Variants in DCN observed in about 807,000 individuals in gnomAD.
The protein encoded by DCN is decorin, also known as bone proteoglycan II.
DCN carries 17 observed loss-of-function variants against 36.5 expected under a neutral mutation model. The ratio of observed to expected loss-of-function variants is 0.47; its 90% CI spans 0.32 to 0.70. The LOEUF (loss-of-function observed/expected upper bound fraction) is 0.70. Among genes scored for constraint, DCN ranks in the 30% least tolerant of loss-of-function variants. The probability of loss-of-function intolerance (pLI) is 0.04; values close to 1 mark genes in which losing one functional copy is unlikely to be tolerated. For missense variants in DCN, 389 were observed against 430.1 expected, an observed-to-expected ratio of 0.90 and a Z score of 0.84; for synonymous variants, 163 against 161.4, an observed-to-expected ratio of 1.01 and a Z score of -0.07.
chr12:91,155,750 T>G (rs908096027), intron 5 of DCN, among the ~76,000 whole-genome samples: 2 of 152,124 alleles, frequency 1.3e-5, no homozygotes, highest in Non-Finnish European at 2.9e-5. Context: ...AATTGGAGAC[T>G]CAACATGAAA....
intron 2 of DCN, among the ~76,000 whole-genome samples, chr12:91,168,941 T>A (rs560551962): frequency 6.6e-6 from 1 of 152,306 alleles, no homozygotes; most frequent in South Asian, 2.1e-4. Flanking sequence ...TGGCATATAT[T>A]TCTCCTGGAA....
At chr12:91,164,248 G>C (rs919300848) in intron 3 of DCN, among the ~76,000 whole-genome samples, 4 of 151,672 alleles carry the variant, frequency 2.6e-5, no homozygotes, top group Non-Finnish European at 5.9e-5. Context: ...GATAGCATTG[G>C]GAGATATACC....
intron 1 of DCN, among the ~76,000 whole-genome samples, chr12:91,182,032 C>T (rs1868425323): frequency 6.6e-6 from 1 of 152,080 alleles, no homozygotes; most frequent in South Asian, 2.1e-4. Context: ...TAAAATTTCA[C>T]TTGCAGTGAA....
rs1400020658 is a variant in DCN, at chr12:91,145,683, T to A, written c.*375A>T. The stretch of plus-strand genomic sequence containing the variant: ...GTTTGGCATTTGACTTTATCTCAAA[T>A]GAGCTAACTGCTCAATGAATTACAG... On this transcript the variant is annotated 3_prime_UTR_variant, in exon 8 of 8. Transcript: ENST00000052754. The A allele has an allele frequency of 2.8e-6, 1 of 358,168 alleles. No homozygotes were observed. The highest frequency in any genetic ancestry group is 2.3e-5 in the South Asian group (1 of 42,902). 22.2% of individuals were successfully genotyped at this position (358,168 alleles called of 1,614,324 possible). A position where few individuals can be genotyped will look rare whatever the true frequency, so the allele number is the denominator to read the frequency against.
chr12:91,143,738 C>T lies in DCN; in HGVS notation c.*2320G>A, dbSNP rs1298683823. ...CCTTAGTCATGCAAATAGTAAGTGT[C>T]GAAGCCAAAGAAATCAGCTATATTT... On this transcript the variant is annotated 3_prime_UTR_variant, in exon 8 of 8. Transcript: ENST00000052754. 6.7e-6 allele frequency: 1 copy of T among 149,828 alleles called. No homozygotes were observed. Among genetic ancestry groups the T allele is most frequent in the Non-Finnish European group, 1.5e-5 (1 of 67,676 alleles). 9.3% of individuals were successfully genotyped at this position (149,828 alleles called of 1,614,324 possible).
chr12:91,176,985 C>A (rs1423701740), intron 2 of DCN: 1 of 152,292 alleles, frequency 6.6e-6, no homozygotes, highest in African/African-American at 2.4e-5. Flanking sequence ...GTGGCAAATA[C>A]ACAATTCAAA....
chr12:91,177,667 T>C lies in DCN; in HGVS notation c.211+675A>G, dbSNP rs373547221. 1.1e-5 allele frequency: 8 copies of C among 700,890 alleles called. No individual in the cohort carries two copies. In the African/African-American group the frequency reaches 1.4e-4, roughly 12 times the overall value. The allele number at this position is 700,890 out of a possible 1,614,324, so 43.4% of individuals were successfully genotyped here. ...TCAAACTGTCTTTAGGGTGTTAGGC[T>C]AAAGATATATGTAACACAATTATAT... On this transcript the variant is annotated intron_variant, in intron 2 of 7. Coordinates refer to ENST00000052754, the MANE Select transcript of DCN (RefSeq NM_001920.5).
At chr12:91,157,686 T>C (rs1356934891) in intron 4 of DCN, among the ~76,000 whole-genome samples, 4 of 152,160 alleles carry the variant, frequency 2.6e-5, no homozygotes, top group Non-Finnish European at 4.4e-5. Flanking sequence ...TGGAGTGCAG[T>C]GGGGCCATCT....
At chr12:91,159,248 A>G (rs1882006550) in intron 3 of DCN, among the ~76,000 whole-genome samples, 1 of 152,172 alleles carries the variant, frequency 6.6e-6, no homozygotes, top group African/African-American at 2.4e-5. Context: ...GGATTCCGCT[A>G]CAAAAGGATG....
intron 2 of DCN, among the ~76,000 whole-genome samples, chr12:91,178,099 T>A (rs971713215): frequency 6.6e-6 from 1 of 152,084 alleles, no homozygotes; most frequent in Non-Finnish European, 1.5e-5. Flanking sequence ...TAAAAATGAT[T>A]TGTCCAAGAT....
Position 91,165,307 on chromosome 12 carries a change from A to T in DCN, c.212-590T>A, listed in dbSNP as rs577068458. Among the ~76,000 whole-genome samples the T allele has an allele frequency of 9.2e-5, 14 of 152,308 alleles. No individual in the cohort carries two copies. The East Asian group carries it at 2.5e-3, about 27-fold the overall frequency. ...GCCAAAACAATATCCATTTCAGTTG[A>T]TATTTTATGACCAATAGATATATGG... is the stretch of plus-strand genomic sequence containing the variant. On this transcript the variant is annotated intron_variant, in intron 2 of 7. Transcript: ENST00000052754.
Position 91,144,577 on chromosome 12 carries a change from G to T in DCN, c.*1481C>A, listed in dbSNP as rs762234090. ...CTTTCCCTAATGTTAATATTACCTC[G>T]GGATATGTCAAATGTAAATGAAAAT... On this transcript the variant is annotated 3_prime_UTR_variant, in exon 8 of 8. Transcript: ENST00000052754. 6.6e-6 allele frequency: 1 copy of T among 152,104 alleles called. No individual in the cohort carries two copies. Among genetic ancestry groups the T allele is most frequent in the African/African-American group, 2.4e-5 (1 of 41,422 alleles). The allele number at this position is 152,104 out of a possible 1,614,324, so 9.4% of individuals were successfully genotyped here.
At chr12:91,168,162 G>A (rs916166420) in intron 2 of DCN, among the ~76,000 whole-genome samples, 12 of 152,126 alleles carry the variant, frequency 7.9e-5, no homozygotes, top group African/African-American at 2.2e-4. Flanking sequence ...TGATCATTGT[G>A]CATATTTTCT....
At chr12:91,171,154 A>G (rs757352256) in intron 2 of DCN, among the ~76,000 whole-genome samples, 3 of 152,214 alleles carry the variant, frequency 2.0e-5, no homozygotes, top group Non-Finnish European at 2.9e-5. Context: ...ACGACTTAAT[A>G]CTTTTCTCAC....
At chr12:91,172,840 C>G (rs775058270) in intron 2 of DCN, 1 of 634,034 alleles carries the variant, frequency 1.6e-6, no homozygotes, top group Non-Finnish European at 2.8e-6. Context: ...AGAGGTTGTA[C>G]GAAGATAAAT....
chr12:91,176,593 C>G (rs1883302471), intron 2 of DCN: 1 of 152,076 alleles, frequency 6.6e-6, no homozygotes, highest in Non-Finnish European at 1.5e-5. Context: ...GTGCTTTCAT[C>G]AGGGTCAAGG....
At chr12:91,162,585 A>T (rs575921391) in intron 3 of DCN, among the ~76,000 whole-genome samples, 19 of 152,230 alleles carry the variant, frequency 1.2e-4, no homozygotes, top group African/African-American at 4.6e-4. Context: ...TAGATATGAA[A>T]TTAGAGTTTG....
At chr12:91,167,991 C>T (rs1024596475) in intron 2 of DCN, among the ~76,000 whole-genome samples, 10 of 152,120 alleles carry the variant, frequency 6.6e-5, no homozygotes, top group African/African-American at 1.9e-4. Context: ...CCACCAGTGC[C>T]TGGCTAATTT....
intron 1 of DCN, among the ~76,000 whole-genome samples, chr12:91,181,927 C>T (rs1338919517): frequency 6.6e-6 from 1 of 151,210 alleles, no homozygotes; most frequent in Non-Finnish European, 1.5e-5. Context: ...CAGGTATTTA[C>T]ATCACTGGGA....
Sources: gnomAD v4.1 joint callset for allele counts (sites outside exome capture counted in the v4.1 genomes callset) on GRCh38, gnomAD v4.1.1 for gene constraint, MANE v1.5 for transcripts, NCBI Gene and HGNC (gene_info 2026-07-23, HGNC 2026-07-21) for gene names.